The following NXPH1 variants were observed in gnomAD, a reference collection of about 807,000 sequenced individuals.
The protein encoded by NXPH1 is neurexophilin 1.
Under a neutral mutation model 23.7 loss-of-function variants are expected in NXPH1, and 5 were observed. That is an observed-to-expected ratio of 0.21 (90% CI 0.11 to 0.44). NXPH1 has a LOEUF of 0.44. Ranked by LOEUF, NXPH1 falls within the 20% of genes least tolerant of loss-of-function variation. The pLI, the probability that NXPH1 is intolerant of heterozygous loss-of-function variation, is 0.99. For missense variants in NXPH1, 324 were observed against 321.6 expected, an observed-to-expected ratio of 1.01 and a Z score of -0.06; for synonymous variants, 144 against 122.2, an observed-to-expected ratio of 1.18 and a Z score of -1.18.
chr7:8,506,499 T>C (rs1368262228), intron 2 of NXPH1, among the ~76,000 whole-genome samples: 3 of 152,136 alleles, frequency 2.0e-5, no homozygotes, highest in East Asian at 3.9e-4. Context: ...TACCTACCTT[T>C]GGTTGCTTAC....
chr7:8,617,157 C>T (rs186393362), intron 2 of NXPH1, among the ~76,000 whole-genome samples: 38 of 152,162 alleles, frequency 2.5e-4, no homozygotes, highest in African/African-American at 7.2e-4. Flanking sequence ...TCCTACAATG[C>T]GCAGAACACT....
At chr7:8,705,019 ATGT>A (rs1457616654) in intron 2 of NXPH1, among the ~76,000 whole-genome samples, 7 of 152,136 alleles carry the variant, frequency 4.6e-5, no homozygotes, top group African/African-American at 1.7e-4. Context: ...GGATTAGTAA[ATGT>A]TGTGTCTAAA....
intron 2 of NXPH1, chr7:8,690,273 G>C (rs1006198656): frequency 6.6e-6 from 1 of 152,202 alleles, no homozygotes. Context: ...CCTCTTTTGA[G>C]CACTGAAGAC....
At chr7:8,625,724 T>G (rs1336588645) in intron 2 of NXPH1, among the ~76,000 whole-genome samples, 1 of 152,138 alleles carries the variant, frequency 6.6e-6, no homozygotes, top group African/African-American at 2.4e-5. Context: ...CTTTCAGATC[T>G]TTGTTATCAC....
chr7:8,721,128 G>T (rs1236758621), intron 2 of NXPH1, among the ~76,000 whole-genome samples: 1 of 152,116 alleles, frequency 6.6e-6, no homozygotes, highest in African/African-American at 2.4e-5. Context: ...TTCTACTGTG[G>T]TTACATAAGA....
intron 2 of NXPH1, among the ~76,000 whole-genome samples, chr7:8,531,471 G>A (rs1584215379): frequency 6.6e-6 from 1 of 152,074 alleles, no homozygotes; most frequent in African/African-American, 2.4e-5. Flanking sequence ...TAATATCAGC[G>A]ATCTCTTCTG....
intron 2 of NXPH1, among the ~76,000 whole-genome samples, chr7:8,452,478 A>C (rs982763507): frequency 6.6e-6 from 1 of 152,162 alleles, no homozygotes; most frequent in African/African-American, 2.4e-5. Flanking sequence ...AATCTCATTG[A>C]CAGCCTTGAT....
chr7:8,487,709 C>G (rs1336128833), intron 2 of NXPH1, among the ~76,000 whole-genome samples: 1 of 152,086 alleles, frequency 6.6e-6, no homozygotes, highest in Non-Finnish European at 1.5e-5. Context: ...ACAAGTGACT[C>G]TACTCAAAAT....
At chr7:8,536,315 G>A (rs1818025241) in intron 2 of NXPH1, among the ~76,000 whole-genome samples, 1 of 151,964 alleles carries the variant, frequency 6.6e-6, no homozygotes, top group Non-Finnish European at 1.5e-5. Flanking sequence ...AGTAAACATG[G>A]GTGTCAGTAA....
At chr7:8,564,760 A>G (rs1818510125) in intron 2 of NXPH1, among the ~76,000 whole-genome samples, 1 of 151,846 alleles carries the variant, frequency 6.6e-6, no homozygotes, top group Non-Finnish European at 1.5e-5. Flanking sequence ...ATCTCATTAG[A>G]TAGAGCTAGT....
chr7:8,671,104 A>G (rs1820862310), intron 2 of NXPH1, among the ~76,000 whole-genome samples: 1 of 152,218 alleles, frequency 6.6e-6, no homozygotes, highest in Admixed American at 6.5e-5. Flanking sequence ...CCCATTTTTC[A>G]GATTACTTTT....
chr7:8,488,213 A>G (rs1236307232), intron 2 of NXPH1, among the ~76,000 whole-genome samples: 3 of 152,138 alleles, frequency 2.0e-5, no homozygotes, highest in South Asian at 2.1e-4. Context: ...TTTTACCACT[A>G]TCCCATACCA....
intron 2 of NXPH1, among the ~76,000 whole-genome samples, chr7:8,525,580 G>T (rs1817849210): frequency 6.6e-6 from 1 of 152,136 alleles, no homozygotes; most frequent in South Asian, 2.1e-4. Flanking sequence ...GGCCCAGGAG[G>T]AAAAAGTGGT....
At chr7:8,677,859 A>C (rs9986964) in intron 2 of NXPH1, among the ~76,000 whole-genome samples, 118,203 of 151,960 alleles carry the variant, frequency 0.78, 46,414 homozygotes, top group East Asian at 1. Context: ...ATATACTCTC[A>C]ATCTTTTTGT....
chr7:8,640,348 C>T (rs182008678), intron 2 of NXPH1, among the ~76,000 whole-genome samples: 24 of 151,956 alleles, frequency 1.6e-4, no homozygotes, highest in Admixed American at 1.4e-3. Context: ...AATGTTTTCT[C>T]TGTAAGAATA....
intron 2 of NXPH1, among the ~76,000 whole-genome samples, chr7:8,728,929 T>C (rs893917052): frequency 4.0e-5 from 6 of 149,644 alleles, no homozygotes; most frequent in Non-Finnish European, 6.0e-5. Context: ...AGTTCCTCCT[T>C]GTACCTCTGG....
chr7:8,590,485 A>G (rs1262429114), intron 2 of NXPH1, among the ~76,000 whole-genome samples: 1 of 152,028 alleles, frequency 6.6e-6, no homozygotes, highest in Non-Finnish European at 1.5e-5. Flanking sequence ...TAGAACCTTT[A>G]CAGATGTCAG....
At chr7:8,589,989 G>A (rs1819059078) in intron 2 of NXPH1, among the ~76,000 whole-genome samples, 1 of 152,138 alleles carries the variant, frequency 6.6e-6, no homozygotes, top group Non-Finnish European at 1.5e-5. Context: ...TTCAAAGTCA[G>A]TGCAGGCATA....
chr7:8,622,282 G>C (rs1411872194), intron 2 of NXPH1, among the ~76,000 whole-genome samples: 1 of 152,154 alleles, frequency 6.6e-6, no homozygotes, highest in African/African-American at 2.4e-5. Flanking sequence ...TTGTGAATGA[G>C]GATGTTGTTA....
Sources: allele counts gnomAD v4.1 joint callset (sites outside exome capture counted in the v4.1 genomes callset), GRCh38; gene constraint gnomAD v4.1.1; transcripts MANE v1.5; gene names NCBI Gene and HGNC (gene_info 2026-07-23, HGNC 2026-07-21).